Variants in KLHL11 observed in about 807,000 individuals in gnomAD.
KLHL11 encodes kelch-like protein 11.
KLHL11 carries 26 observed loss-of-function variants against 56.1 expected under a neutral mutation model. The observed-to-expected ratio is 0.46, with a 90% CI of 0.34 to 0.64. The LOEUF (loss-of-function observed/expected upper bound fraction) is 0.64. Ranked by LOEUF, KLHL11 falls within the 30% of genes least tolerant of loss-of-function variation. The pLI is 0.01. For missense variants in KLHL11, 627 were observed against 919.4 expected (o/e 0.68, Z 4.11); for synonymous variants, 338 against 345.8 (o/e 0.98, Z 0.25).
At position 41,852,246 on chromosome 17, in the gene KLHL11, G is replaced by A. The variant is rs782076845; in HGVS notation, c.*1494C>T. Among the ~76,000 whole-genome samples, 9 of 151,686 alleles carry A rather than the reference G, an allele frequency of 5.9e-5. No homozygotes were observed. The highest frequency in any genetic ancestry group is 1.2e-4 in the Non-Finnish European group (8 of 67,960). ...TTCCCAGGCTGGTCTTGAACTCTTG[G>A]GCTCAAAATCTGCCCACCTCAGCCT... On this transcript the variant is annotated 3_prime_UTR_variant, in exon 2 of 2. Coordinates refer to ENST00000319121, the MANE Select transcript of KLHL11 (RefSeq NM_018143.3).
chr17:41,865,326 AGCCGCGGCCGCC>A lies in KLHL11; in HGVS notation c.33_44del (p.Ala13_Ala16del). On this transcript the variant is annotated inframe_deletion, in exon 1 of 2. Coordinates refer to ENST00000319121, the MANE Select transcript of KLHL11 (RefSeq NM_018143.3). ...CCATCTCCAGTACCTGAAGAGATGCAGCCGCGGCCGCCGCCGCCGCCGCCGCCACTGCCGCAG... is the reference window on the plus strand; with the variant it reads ...CCATCTCCAGTACCTGAAGAGATGCAGCCGCCGCCGCCGCCACTGCCGCAG... 1 of 1,455,892 alleles carries A rather than the reference AGCCGCGGCCGCC, an allele frequency of 6.9e-7. No homozygotes were observed. Among genetic ancestry groups the A allele is most frequent in the Non-Finnish European group, 8.9e-7 (1 of 1,118,074 alleles). 90.2% of individuals were successfully genotyped at this position (1,455,892 alleles called of 1,614,324 possible). A position where few individuals can be genotyped will look rare whatever the true frequency, so the allele number is the denominator to read the frequency against.
At chr17:41,858,277 A>T (rs1597948996) in intron 1 of KLHL11, among the ~76,000 whole-genome samples, 1 of 129,044 alleles carries the variant, frequency 7.7e-6, no homozygotes, top group African/African-American at 3.0e-5. Context: ...CCCAGGCTGG[A>T]GTGCAGTGGT....
At chr17:41,862,789 C>G (rs1441773841) in intron 1 of KLHL11, among the ~76,000 whole-genome samples, 2 of 152,118 alleles carry the variant, frequency 1.3e-5, no homozygotes, top group African/African-American at 4.8e-5. Flanking sequence ...TTAAGTAATA[C>G]CATCCAGCCC....
Position 41,851,379 on chromosome 17 carries a change from G to A in KLHL11, c.*2361C>T, listed in dbSNP as rs1413466043. ...AGCGCTTTGAGAGGCTGAGGTGGGC[G>A]GATCACGAGGTCAGGAGTTCGAGAC... On this transcript the variant is annotated 3_prime_UTR_variant, in exon 2 of 2. Coordinates refer to ENST00000319121, the MANE Select transcript of KLHL11 (RefSeq NM_018143.3). The A allele has an allele frequency of 1.3e-5, 2 of 152,106 alleles. No homozygotes were observed. Among genetic ancestry groups the A allele is most frequent in the African/African-American group, 2.4e-5 (1 of 41,400 alleles). The allele number at this position is 152,106 out of a possible 1,614,324, so 9.4% of individuals were successfully genotyped here. A position where few individuals can be genotyped will look rare whatever the true frequency, so the allele number is the denominator to read the frequency against.
chr17:41,862,136 T>C (rs1341671148), intron 1 of KLHL11, among the ~76,000 whole-genome samples: 1 of 152,074 alleles, frequency 6.6e-6, no homozygotes, highest in Non-Finnish European at 1.5e-5. Context: ...TTGCCCAGGC[T>C]GGGGTGCAGT....
At chr17:41,863,111 C>T (rs919858759) in intron 1 of KLHL11, among the ~76,000 whole-genome samples, 4 of 152,092 alleles carry the variant, frequency 2.6e-5, no homozygotes, top group African/African-American at 9.7e-5. Flanking sequence ...GCCTCCACCA[C>T]CACTGCCACA....
In KLHL11 at chr17:41,859,872, A is replaced by G. The variant is rs782117017; in HGVS notation, c.546-4551T>C. Among the ~76,000 whole-genome samples, 26 of 152,354 alleles carry G rather than the reference A, an allele frequency of 1.7e-4. 1 individual carries two copies. Among genetic ancestry groups the G allele is most frequent in the Admixed American group, 1.1e-3 (17 of 15,298 alleles). ...TTTCAGACAAATTCATAAATCTGGC[A>G]GCAATCAGCCTGAGGATAGCCAATT... On this transcript the variant is annotated intron_variant, in intron 1 of 1. Coordinates refer to ENST00000319121, the MANE Select transcript of KLHL11 (RefSeq NM_018143.3).
In KLHL11 at chr17:41,849,557, A is replaced by T. The variant is rs1483107882; in HGVS notation, c.*4183T>A. On this transcript the variant is annotated 3_prime_UTR_variant, in exon 2 of 2. Transcript: ENST00000319121. ...ATAAACACTATCTTTCCAGCTTCAA[A>T]CTTCTGTTTTATATTAAAAAGGTAT... 2.6e-5 allele frequency: 4 copies of T among 152,200 alleles called. No homozygotes were observed. The highest frequency in any genetic ancestry group is 9.6e-5 in the African/African-American group (4 of 41,460). The allele number at this position is 152,200 out of a possible 1,614,324, so 9.4% of individuals were successfully genotyped here. A position where few individuals can be genotyped will look rare whatever the true frequency, so the allele number is the denominator to read the frequency against.
rs1482651141 is a variant in KLHL11 at position 41,850,299 on chromosome 17, A to C, written c.*3441T>G. Reference sequence around the variant, plus strand: ...AAAATCAGGAAAACCTGCACACATCATCATGCAATGAAGGACTTACCCCTT... The same window carrying C: ...AAAATCAGGAAAACCTGCACACATCCTCATGCAATGAAGGACTTACCCCTT... On this transcript the variant is annotated 3_prime_UTR_variant, in exon 2 of 2. Coordinates refer to ENST00000319121, the MANE Select transcript of KLHL11 (RefSeq NM_018143.3). The C allele has an allele frequency of 6.6e-6, 1 of 152,220 alleles. No individual in the cohort carries two copies. Among genetic ancestry groups the C allele is most frequent in the East Asian group, 1.9e-4 (1 of 5,204 alleles). 9.4% of individuals were successfully genotyped at this position (152,220 alleles called of 1,614,324 possible).
Position 41,855,185 on chromosome 17 carries a change from T to A in KLHL11, c.682A>T (p.Ile228Leu). 1 of 1,614,196 alleles carries A rather than the reference T, an allele frequency of 6.2e-7. No homozygotes were observed. Among genetic ancestry groups the A allele is most frequent in the Non-Finnish European group, 8.5e-7 (1 of 1,180,024 alleles). ...SQLALKAADM[I>L]RRNFHKVIQD... ...ATCACTTTGTGGAAATTTCTCCGTA[T>A]CATATCAGCAGCCTTCAGAGCAAGT... The change falls in exon 2 of 2, where the codon ATA becomes TTA. Residue 228 changes from isoleucine (I) to leucine (L), a missense_variant. Ile to Leu is a conservative substitution (Grantham distance 5). This residue lies in a region of KLHL11 where 150 missense variants were observed against 215.7 expected (regional missense o/e 0.70). Coordinates refer to ENST00000319121, the MANE Select transcript of KLHL11 (RefSeq NM_018143.3).
At chr17:41,861,143 C>A (rs1158622333) in intron 1 of KLHL11, among the ~76,000 whole-genome samples, 4 of 152,186 alleles carry the variant, frequency 2.6e-5, no homozygotes, top group Non-Finnish European at 2.9e-5. Flanking sequence ...CAGGCTACAT[C>A]CATTTTTTCT....
At position 41,855,012 on chromosome 17, in the gene KLHL11, A is replaced by G. The variant is rs992165733; in HGVS notation, c.855T>C (p.Phe285=). The G allele has an allele frequency of 5.6e-6, 9 of 1,614,094 alleles. No homozygotes were observed. The highest frequency in any genetic ancestry group is 7.6e-6 in the Non-Finnish European group (9 of 1,180,000). The change falls in exon 2 of 2, where the codon TTT becomes TTC. Residue 285 remains phenylalanine (F), a synonymous_variant. Coordinates refer to ENST00000319121, the MANE Select transcript of KLHL11 (RefSeq NM_018143.3). ...ACCTGAGCAATTTAAAAAGTTCTTC[A>G]AAGTATCTCTCTCTCTCTTCAGCAT... ...QRNAEERERY[F]EELFKLLRLS...
intron 1 of KLHL11, among the ~76,000 whole-genome samples, chr17:41,858,484 G>A (rs4796725): frequency 0.76 from 113,998 of 150,336 alleles, 43,504 homozygotes; most frequent in Admixed American, 0.85. Context: ...CCAGGCTGGA[G>A]TGCAATGGCA....
Position 41,865,164 on chromosome 17 carries a change from C to T in KLHL11, c.207G>A (p.Glu69=). The T allele has an allele frequency of 2.5e-6, 4 of 1,610,116 alleles. No individual in the cohort carries two copies. Among genetic ancestry groups the T allele is most frequent in the Non-Finnish European group, 3.4e-6 (4 of 1,178,988 alleles). The change falls in exon 1 of 2, where the codon GAG becomes GAA. Residue 69 remains glutamate, a synonymous_variant. Transcript: ENST00000319121. ...ASGGDPGPEA[E]DFECSSHCSE... ...AGCAGTGAGAGCTGCACTCGAAATC[C>T]TCGGCTTCTGGGCCCGGATCGCCCC...
Position 41,853,513 on chromosome 17 carries a change from G to C in KLHL11, c.*227C>G. 4.3e-6 allele frequency: 2 copies of C among 465,976 alleles called. No individual in the cohort carries two copies. The highest frequency in any genetic ancestry group is 7.4e-6 in the Non-Finnish European group (2 of 268,910). The allele number at this position is 465,976 out of a possible 1,614,324, so 28.9% of individuals were successfully genotyped here. ...CTTGTCCTTAATAAGATCTTATTTA[G>C]CTAGCACAAACAAACAAACCAAAGA... On this transcript the variant is annotated 3_prime_UTR_variant, in exon 2 of 2. Coordinates refer to ENST00000319121, the MANE Select transcript of KLHL11 (RefSeq NM_018143.3).
rs1308158616 is a variant in KLHL11, at chr17:41,850,186, T to C, written c.*3554A>G. Reference sequence around the variant, plus strand: ...AACAGATTTAAGCAAATCTGGTTTCTTTCCTTATTAACAAGTTAGTTAGGA... The same window carrying C: ...AACAGATTTAAGCAAATCTGGTTTCCTTCCTTATTAACAAGTTAGTTAGGA... On this transcript the variant is annotated 3_prime_UTR_variant, in exon 2 of 2. Transcript: ENST00000319121. 1 of 152,216 alleles carries C rather than the reference T, an allele frequency of 6.6e-6. No homozygotes were observed. Among genetic ancestry groups the C allele is most frequent in the East Asian group, 1.9e-4 (1 of 5,204 alleles). The allele number at this position is 152,216 out of a possible 1,614,324, so 9.4% of individuals were successfully genotyped here. A position where few individuals can be genotyped will look rare whatever the true frequency, so the allele number is the denominator to read the frequency against.
intron 1 of KLHL11, among the ~76,000 whole-genome samples, chr17:41,857,300 T>A (rs1196956743): frequency 6.6e-6 from 1 of 150,624 alleles, no homozygotes; most frequent in Non-Finnish European, 1.5e-5. Context: ...AGGTCAGGAG[T>A]TCGAAAGCAG....
intron 1 of KLHL11, among the ~76,000 whole-genome samples, chr17:41,860,120 T>C (rs1370045922): frequency 6.6e-6 from 1 of 152,036 alleles, no homozygotes; most frequent in Non-Finnish European, 1.5e-5. Flanking sequence ...AAAGACAAAG[T>C]AGAGTGGTAT....
chr17:41,856,066 C>T (rs890900304), intron 1 of KLHL11, among the ~76,000 whole-genome samples: 9 of 149,594 alleles, frequency 6.0e-5, no homozygotes, highest in Non-Finnish European at 1.2e-4. Context: ...TCTTGGCTCA[C>T]GGCGACACCC....
Sources: allele counts gnomAD v4.1 joint callset (sites outside exome capture counted in the v4.1 genomes callset), GRCh38; gene constraint gnomAD v4.1.1; regional missense constraint gnomAD v4.1.1; transcripts MANE v1.5; gene names NCBI Gene and HGNC (gene_info 2026-07-23, HGNC 2026-07-21).